SLC36A1: variants seen among roughly 807,000 people sequenced by gnomAD.
The protein encoded by SLC36A1 is proton-coupled amino acid transporter 1.
A neutral mutation model predicts 47.5 loss-of-function variants in SLC36A1; 30 were observed. That is an observed-to-expected ratio of 0.63 (90% CI 0.47 to 0.86). The LOEUF (loss-of-function observed/expected upper bound fraction) is 0.86, where lower values mean the gene tolerates loss of function less well. Among genes scored for constraint, SLC36A1 ranks in the 40% least tolerant of loss-of-function variants. The probability of loss-of-function intolerance (pLI) is 0.00; values close to 1 mark genes in which losing one functional copy is unlikely to be tolerated. For synonymous variants in SLC36A1, 255 were observed against 249.7 expected, an observed-to-expected ratio of 1.02 and a Z score of -0.20; for missense variants, 517 against 606.0, an observed-to-expected ratio of 0.85 and a Z score of 1.54.
chr5:151,432,495 GTAGGCATCCTTTC>G (rs975273891), upstream of SLC36A1, among the ~76,000 whole-genome samples: 14 of 152,120 alleles, frequency 9.2e-5, no homozygotes, highest in African/African-American at 3.4e-4. Context: ...TCAGGAGAGG[GTAGGCATCCTTTC>G]TACCCCTTGC....
the SLC36A1 span, among the ~76,000 whole-genome samples, chr5:151,356,339 C>CAAAAAAAAAAAAAATAAA: frequency 1.9e-5 from 1 of 51,314 alleles, no homozygotes; most frequent in Non-Finnish European, 4.2e-5. Flanking sequence ...CTCTGTCTCA[C>CAAAAAAAAAAAAAATAAA]AAAAAAAAAA....
At chr5:151,505,776 T>C in the SLC36A1 span, 4 of 1,614,000 alleles carry the variant, frequency 2.5e-6, no homozygotes, top group African/African-American at 2.7e-5. Context: ...CTGCCGGAAC[T>C]GCGAGTGGTA....
rs1554113501 is a variant in SLC36A1, at chr5:151,468,266, A to AATATAT, written c.723+364_723+369dup. On this transcript the variant is annotated intron_variant, in intron 7 of 10. Coordinates refer to ENST00000243389, the MANE Select transcript of SLC36A1 (RefSeq NM_078483.4). The stretch of plus-strand genomic sequence containing the variant: ...GACTCTGTCTCAAAAAAAAAAAAAA[A>AATATAT]ATATATATATATATATATATATATA... Among the ~76,000 whole-genome samples the AATATAT allele has an allele frequency of 2.1e-3, 135 of 63,806 alleles. 3 individuals carry two copies. Among genetic ancestry groups the AATATAT allele is most frequent in the East Asian group, 6.8e-3 (11 of 1,612 alleles). 41.9% of individuals were successfully genotyped at this position (63,806 alleles called of 152,430 possible). A position where few individuals can be genotyped will look rare whatever the true frequency, so the allele number is the denominator to read the frequency against.
At chr5:151,507,238 G>C in the SLC36A1 span, 27 of 1,614,004 alleles carry the variant, frequency 1.7e-5, no homozygotes, top group Non-Finnish European at 2.3e-5. Context: ...AGTCTGGGGG[G>C]CACACTGCAG....
chr5:151,363,370 G>T, the SLC36A1 span, among the ~76,000 whole-genome samples: 2 of 152,174 alleles, frequency 1.3e-5, no homozygotes, highest in East Asian at 1.9e-4. Context: ...TGGAAGGAGG[G>T]TTGCCATGAA....
At chr5:151,543,788 C>T in the SLC36A1 span, 2 of 1,614,012 alleles carry the variant, frequency 1.2e-6, no homozygotes, top group Non-Finnish European at 1.7e-6. Flanking sequence ...TAAGAAGAGT[C>T]CAGGTGCTTT....
chr5:151,546,892 AT>A, the SLC36A1 span, among the ~76,000 whole-genome samples: 1 of 151,874 alleles, frequency 6.6e-6, no homozygotes, highest in African/African-American at 2.4e-5. Context: ...TTTTAATATA[AT>A]TTTTAATAGC....
chr5:151,407,381 G>A, the SLC36A1 span, among the ~76,000 whole-genome samples: 18 of 151,810 alleles, frequency 1.2e-4, no homozygotes, highest in East Asian at 7.7e-4. Context: ...TGATTGGTGC[G>A]TTTACAAACC....
At chr5:151,553,984 C>T in the SLC36A1 span, among the ~76,000 whole-genome samples, 1 of 152,214 alleles carries the variant, frequency 6.6e-6, no homozygotes, top group African/African-American at 2.4e-5. Context: ...TGGCTTCTCA[C>T]AAGAAAGACG....
the SLC36A1 span, among the ~76,000 whole-genome samples, chr5:151,360,651 A>G: frequency 2.0e-5 from 3 of 152,190 alleles, no homozygotes; most frequent in Admixed American, 2.0e-4. Context: ...GTTTCTATAT[A>G]GTATTGATCT....
chr5:151,546,378 G>T, the SLC36A1 span: 1 of 1,486,344 alleles, frequency 6.7e-7, no homozygotes, highest in South Asian at 1.2e-5. Context: ...CCACACCCTC[G>T]ACAGGTATCA....
intron 1 of SLC36A1, among the ~76,000 whole-genome samples, chr5:151,457,850 G>GTT (rs1384205831): frequency 1.7e-5 from 2 of 120,476 alleles, no homozygotes; most frequent in African/African-American, 6.6e-5. Flanking sequence ...TTTGTTGTTT[G>GTT]TTTGTTTTTT....
the SLC36A1 span, chr5:151,545,039 G>C: frequency 6.2e-7 from 1 of 1,614,068 alleles, no homozygotes; most frequent in Non-Finnish European, 8.5e-7. Flanking sequence ...TGCTGCTCCC[G>C]GTCAAACGCC....
At chr5:151,538,937 C>T in the SLC36A1 span, among the ~76,000 whole-genome samples, 4 of 151,926 alleles carry the variant, frequency 2.6e-5, no homozygotes, top group Non-Finnish European at 4.4e-5. Flanking sequence ...CCGCCTGCCT[C>T]GGCCTCCCAA....
At chr5:151,401,732 C>G in the SLC36A1 span, among the ~76,000 whole-genome samples, 1 of 152,110 alleles carries the variant, frequency 6.6e-6, no homozygotes, top group African/African-American at 2.4e-5. Context: ...CATTCACCTC[C>G]TTAGTTAGAT....
At chr5:151,546,465 A>C in the SLC36A1 span, 10 of 630,290 alleles carry the variant, frequency 1.6e-5, no homozygotes, top group African/African-American at 1.7e-4. Flanking sequence ...GTGTATACCC[A>C]CCCTGGATAT....
At chr5:151,534,507 G>T in the SLC36A1 span, 2 of 1,614,064 alleles carry the variant, frequency 1.2e-6, no homozygotes, top group Non-Finnish European at 1.7e-6. Context: ...GAACCGCGGG[G>T]CATTGTCATT....
In SLC36A1 at chr5:151,458,851, G is replaced by C; in HGVS notation, c.59G>C (p.Ser20Thr). Residue 20 changes from serine to threonine, a missense_variant, in exon 2 of 11, where the codon AGC becomes ACC. Ser to Thr is a moderately conservative substitution (Grantham distance 58). Coordinates refer to ENST00000243389, the MANE Select transcript of SLC36A1 (RefSeq NM_078483.4). ...DYHDYSSTDV[S>T]PEESPSEGLN... ...CACGACTACAGCTCCACGGACGTGA[G>C]CCCTGAGGAGAGCCCGTCGGAAGGC... 1 of 1,614,128 alleles carries C rather than the reference G, an allele frequency of 6.2e-7. No homozygotes were observed. Among genetic ancestry groups the C allele is most frequent in the Non-Finnish European group, 8.5e-7 (1 of 1,180,018 alleles).
the SLC36A1 span, among the ~76,000 whole-genome samples, chr5:151,381,746 C>A: frequency 3.2e-4 from 48 of 152,242 alleles, no homozygotes; most frequent in African/African-American, 1.1e-3. Context: ...GCTTTGACTC[C>A]CTGTGATTTC....
Sources: allele counts gnomAD v4.1 joint callset (sites outside exome capture counted in the v4.1 genomes callset), GRCh38; gene constraint gnomAD v4.1.1; transcripts MANE v1.5; gene names NCBI Gene and HGNC (gene_info 2026-07-23, HGNC 2026-07-21).